Variants in RYR2 observed in about 807,000 individuals in gnomAD.
The protein encoded by RYR2 is ryanodine receptor 2, also known as cardiac muscle ryanodine receptor-calcium release channel.
RYR2 carries 227 observed loss-of-function variants against 601.1 expected under a neutral mutation model. The observed-to-expected ratio is 0.38, with a 90% CI of 0.34 to 0.42. The LOEUF (loss-of-function observed/expected upper bound fraction) is 0.42. RYR2 is among the 10% of genes least tolerant of loss of function. RYR2 has a pLI of 1.00. For missense variants in RYR2, 4,646 were observed against 6,156.5 expected (o/e 0.75, Z 8.21); for synonymous variants, 2,223 against 2,175.1 (o/e 1.02, Z -0.61).
intron 16 of RYR2, among the ~76,000 whole-genome samples, chr1:237,463,462 C>A (rs1020942733): frequency 6.6e-6 from 1 of 151,942 alleles, no homozygotes; most frequent in African/African-American, 2.4e-5. Flanking sequence ...CATGAAGCCT[C>A]CGGGGATAGG....
intron 71 of RYR2, among the ~76,000 whole-genome samples, chr1:237,714,235 C>G (rs1258356033): frequency 2.0e-5 from 3 of 152,066 alleles, no homozygotes; most frequent in Non-Finnish European, 4.4e-5. Flanking sequence ...TTGTGCCTCA[C>G]AGATTATAGG....
intron 17 of RYR2, among the ~76,000 whole-genome samples, chr1:237,483,709 T>C (rs1449552260): frequency 6.6e-6 from 1 of 152,240 alleles, no homozygotes; most frequent in Non-Finnish European, 1.5e-5. Flanking sequence ...TCCCTGTTCT[T>C]TCTAGTCATT....
chr1:237,824,962 G>A (rs1435423014), intron 101 of RYR2, among the ~76,000 whole-genome samples: 1 of 152,208 alleles, frequency 6.6e-6, no homozygotes, highest in African/African-American at 2.4e-5. Context: ...TTCAAGGGAT[G>A]TGAAGGACCT....
rs775534249 is a variant in RYR2 at position 237,808,904 on chromosome 1, G to T, written c.14302G>T (p.Val4768Leu). Residue 4768 changes from valine (V) to leucine (L), a missense_variant, in exon 100 of 105, where the codon GTA becomes TTA. Transcript: ENST00000366574. ...TCCTTGTCACATTGTTTTCCAGCTC[G>T]TATTAACCGTTGGCTTATTAGCTGT... ...SSVTHNGKQL[V>L]LTVGLLAVVV... The T allele has an allele frequency of 6.2e-7, 1 of 1,613,388 alleles. No homozygotes were observed. Among genetic ancestry groups the T allele is most frequent in the East Asian group, 2.2e-5 (1 of 44,854 alleles).
chr1:237,800,542 G>A (rs1363410384), intron 97 of RYR2, among the ~76,000 whole-genome samples: 1 of 151,948 alleles, frequency 6.6e-6, no homozygotes, highest in African/African-American at 2.4e-5. Context: ...AGAAAGATTC[G>A]CTTAATTAAA....
Position 237,655,900 on chromosome 1 carries a change from AG to A in RYR2, c.8046del (p.Glu2682AspfsTer7). 1 of 1,612,072 alleles carries A rather than the reference AG, an allele frequency of 6.2e-7. No homozygotes were observed. Among genetic ancestry groups the A allele is most frequent in the Non-Finnish European group, 8.5e-7 (1 of 1,179,018 alleles). On this transcript the variant is annotated frameshift_variant, in exon 53 of 105. Transcript: ENST00000366574. LOFTEE classifies it high-confidence loss of function. ...GGAGCTTTGCCTCCAGACTACATGG[AG>A]TCAAATTATGTCAGTATGATGGAAA... ...VAGALPPDYM[E>X]SNYVSMMEKQ...
At chr1:237,741,892 T>G (rs538010859) in intron 79 of RYR2, among the ~76,000 whole-genome samples, 1 of 152,148 alleles carries the variant, frequency 6.6e-6, no homozygotes, top group Non-Finnish European at 1.5e-5. Context: ...GTGAGCCACC[T>G]CGCCCGGTCT....
At chr1:237,773,068 C>A (rs1423129733) in intron 86 of RYR2, among the ~76,000 whole-genome samples, 1 of 152,228 alleles carries the variant, frequency 6.6e-6, no homozygotes, top group East Asian at 1.9e-4. Context: ...ACACAAAAGC[C>A]ATGGATATCA....
chr1:237,534,087 T>C (rs1668381841), intron 25 of RYR2, among the ~76,000 whole-genome samples: 1 of 152,058 alleles, frequency 6.6e-6, no homozygotes, highest in African/African-American at 2.4e-5. Flanking sequence ...CTATAAGAGG[T>C]ACATCAATAA....
At chr1:237,271,710 G>A (rs1303187183) in intron 2 of RYR2, among the ~76,000 whole-genome samples, 1 of 152,162 alleles carries the variant, frequency 6.6e-6, no homozygotes, top group Non-Finnish European at 1.5e-5. Flanking sequence ...CAAACTAAGT[G>A]GCAAGTTATT....
At chr1:237,186,123 C>T (rs1378079477) in intron 1 of RYR2, among the ~76,000 whole-genome samples, 1 of 152,196 alleles carries the variant, frequency 6.6e-6, no homozygotes, top group African/African-American at 2.4e-5. Flanking sequence ...GTAAATGCCA[C>T]ATCCTGATCC....
rs932817923 is a variant in RYR2, at chr1:237,340,039, G to A, written c.273+9057G>A. Among the ~76,000 whole-genome samples, 4 of 152,164 alleles carry A rather than the reference G, an allele frequency of 2.6e-5. No individual in the cohort carries two copies. In the East Asian group the frequency reaches 7.7e-4, roughly 29 times the overall value. Reference sequence around the variant, plus strand: ...ATTGGGAGAAGGAAGAGAACTGCATGTGAAAATGAAGGTCAGATAATTTCT... The same window carrying A: ...ATTGGGAGAAGGAAGAGAACTGCATATGAAAATGAAGGTCAGATAATTTCT... On this transcript the variant is annotated intron_variant, in intron 3 of 104. Transcript: ENST00000366574.
At chr1:237,498,789 T>G (rs920698700) in intron 20 of RYR2, among the ~76,000 whole-genome samples, 14 of 152,108 alleles carry the variant, frequency 9.2e-5, no homozygotes, top group Non-Finnish European at 1.8e-4. Context: ...AAAAAAAAAT[T>G]TAGTGAATCT....
At chr1:237,709,393 A>C in intron 69 of RYR2, 87 bp from the exon 70 acceptor site, 1 of 853,534 alleles carries the variant, frequency 1.2e-6, no homozygotes. Flanking sequence ...TGTGGTCAGT[A>C]CATTTAACTT....
At chr1:237,295,667 G>C (rs1229822521) in intron 2 of RYR2, among the ~76,000 whole-genome samples, 1 of 152,144 alleles carries the variant, frequency 6.6e-6, no homozygotes, top group Non-Finnish European at 1.5e-5. Flanking sequence ...TTTACCGCTA[G>C]AATCTCTATG....
rs1358747426 is a variant in RYR2, at chr1:237,785,146, A to AG, written c.13260+174_13260+175insG. 4 of 626,438 alleles carry AG rather than the reference A, an allele frequency of 6.4e-6. No homozygotes were observed. In the East Asian group the frequency reaches 8.2e-5, roughly 13 times the overall value. The allele number at this position is 626,438 out of a possible 1,614,324, so 38.8% of individuals were successfully genotyped here. On this transcript the variant is annotated intron_variant, in intron 90 of 104. Coordinates refer to ENST00000366574, the MANE Select transcript of RYR2 (RefSeq NM_001035.3). ...GTTAGTGTTTTTAAGAGTCCTTATG[A>AG]ATTATTAAATTATCTTAAACTATTA...
intron 17 of RYR2, among the ~76,000 whole-genome samples, chr1:237,479,271 A>G (rs563607191): frequency 2.0e-5 from 3 of 152,342 alleles, no homozygotes; most frequent in South Asian, 2.1e-4. Context: ...TCACAACTAT[A>G]TACCATTCTG....
At chr1:237,343,685 A>G (rs1558655193) in intron 3 of RYR2, among the ~76,000 whole-genome samples, 3 of 152,198 alleles carry the variant, frequency 2.0e-5, no homozygotes, top group Non-Finnish European at 4.4e-5. Flanking sequence ...ACATGTAAGG[A>G]AATTAATTAT....
intron 29 of RYR2, among the ~76,000 whole-genome samples, chr1:237,573,031 G>A (rs1457275472): frequency 1.3e-5 from 2 of 152,068 alleles, no homozygotes; most frequent in Admixed American, 1.3e-4. Context: ...TACTAAAATG[G>A]ATTTATAAGT....
Sources: allele counts gnomAD v4.1 joint callset (sites outside exome capture counted in the v4.1 genomes callset), GRCh38; gene constraint gnomAD v4.1.1; transcripts MANE v1.5; gene names NCBI Gene and HGNC (gene_info 2026-07-23, HGNC 2026-07-21).